Variants in DST observed in about 807,000 individuals in gnomAD.
DST encodes the protein dystonin.
DST carries 253 observed loss-of-function variants against 875.2 expected under a neutral mutation model. That is an observed-to-expected ratio of 0.29 (90% CI 0.26 to 0.32). The LOEUF (loss-of-function observed/expected upper bound fraction) is 0.32. Among genes scored for constraint, DST ranks in the 10% least tolerant of loss-of-function variants. The pLI is 1.00. For synonymous variants in DST, 3,124 were observed against 3,197.1 expected, an observed-to-expected ratio of 0.98 and a Z score of 0.77; for missense variants, 8,287 against 9,111.6, an observed-to-expected ratio of 0.91 and a Z score of 3.68.
rs767948298 is a variant in DST at position 56,489,600 on chromosome 6, C to T, written c.20767G>A (p.Ala6923Thr). The T allele has an allele frequency of 5.0e-5, 81 of 1,609,926 alleles. No homozygotes were observed. The highest frequency in any genetic ancestry group is 6.6e-5 in the Non-Finnish European group (78 of 1,178,278). Residue 6923 changes from alanine (A) to threonine (T), a missense_variant, in exon 86 of 104, where the codon GCT becomes ACT. Physicochemically the swap from Ala to Thr is moderately conservative, Grantham distance 58 (BLOSUM62 0). Transcript: ENST00000680361. ...ARKRAKQFHE[A>T]WSKLMEWLEE... ...AGCCACTCCATAAGTTTACTCCAAGCTTCATGGAACTAGAAAGAAATTCAC... is the reference window on the plus strand; with the variant it reads ...AGCCACTCCATAAGTTTACTCCAAGTTTCATGGAACTAGAAAGAAATTCAC...
chr6:56,792,998 G>GT (rs2099730875), intron 4 of DST, among the ~76,000 whole-genome samples: 1 of 143,226 alleles, frequency 7.0e-6, no homozygotes, highest in African/African-American at 2.5e-5. Context: ...AGCCCCTGAG[G>GT]TCAAGGCTGC....
chr6:56,544,250 G>C (rs1398989963), intron 61 of DST, among the ~76,000 whole-genome samples: 1 of 152,198 alleles, frequency 6.6e-6, no homozygotes, highest in Non-Finnish European at 1.5e-5. Flanking sequence ...TGTAAGCTTA[G>C]AAAACTACTT....
intron 2 of DST, among the ~76,000 whole-genome samples, chr6:56,938,116 A>G (rs201970529): frequency 3.0e-5 from 4 of 133,508 alleles, no homozygotes; most frequent in Admixed American, 3.0e-4. Context: ...CTCTATATAT[A>G]TATATATATA....
rs1352975169 is a variant in DST, at chr6:56,954,462, G to T, written c.126C>A (p.Leu42=). Residue 42 remains leucine (L), a synonymous_variant, in exon 1 of 104, where the codon CTC becomes CTA. Coordinates refer to ENST00000680361, the MANE Select transcript of DST (RefSeq NM_001374736.1). The part of the protein sequence containing the change: ...IVFFCCWHRK[L]QKGRHPMKSV... Reference sequence around the variant, plus strand: ...ATTTCATCGGATGCCTCCCTTTCTGGAGCTTGCGGTGCCAGCAGCAGAAGA... The same window carrying T: ...ATTTCATCGGATGCCTCCCTTTCTGTAGCTTGCGGTGCCAGCAGCAGAAGA... The T allele has an allele frequency of 7.3e-7, 1 of 1,367,498 alleles. No individual in the cohort carries two copies. Among genetic ancestry groups the T allele is most frequent in the East Asian group, 4.6e-5 (1 of 21,958 alleles). The allele number at this position is 1,367,498 out of a possible 1,614,324, so 84.7% of individuals were successfully genotyped here.
chr6:56,605,803 T>C lies in DST; in HGVS notation c.8825A>G (p.Asp2942Gly), dbSNP rs756391545. ...KTFGPASISH[D>G]NNNISSTSEL... ...AGAAGTTGAACTGATATTATTATTATCATGTGAAATACTTGCAGGGCCAAA... is the reference window on the plus strand; with the variant it reads ...AGAAGTTGAACTGATATTATTATTACCATGTGAAATACTTGCAGGGCCAAA... Residue 2942 changes from aspartate (D) to glycine (G), a missense_variant, in exon 40 of 104, where the codon GAT (aspartate) becomes GGT (glycine). Transcript: ENST00000680361. 1 of 1,612,426 alleles carries C rather than the reference T, an allele frequency of 6.2e-7. No individual in the cohort carries two copies. Among genetic ancestry groups the C allele is most frequent in the Non-Finnish European group, 8.5e-7 (1 of 1,179,198 alleles).
chr6:56,528,111 C>T (rs2096833251), intron 67 of DST, among the ~76,000 whole-genome samples: 3 of 152,194 alleles, frequency 2.0e-5, no homozygotes, highest in Admixed American at 6.5e-5. Context: ...GATACTTAGC[C>T]TCTCTGCTCT....
chr6:56,475,652 G>A (rs1198536023), intron 92 of DST, among the ~76,000 whole-genome samples: 1 of 152,170 alleles, frequency 6.6e-6, no homozygotes, highest in African/African-American at 2.4e-5. Flanking sequence ...AGTGATGACA[G>A]TCATCTTCAC....
chr6:56,601,179 T>C (rs1444550889), intron 44 of DST, among the ~76,000 whole-genome samples: 1 of 152,010 alleles, frequency 6.6e-6, no homozygotes, highest in Non-Finnish European at 1.5e-5. Flanking sequence ...TGCATTCAAA[T>C]TTCCTAGTCT....
At chr6:56,691,017 T>G (rs2099224810) in intron 9 of DST, among the ~76,000 whole-genome samples, 1 of 152,200 alleles carries the variant, frequency 6.6e-6, no homozygotes, top group African/African-American at 2.4e-5. Flanking sequence ...TTATATACAT[T>G]GCATTACAGT....
intron 2 of DST, among the ~76,000 whole-genome samples, chr6:56,917,288 T>A (rs186485395): frequency 2.6e-5 from 4 of 152,284 alleles, no homozygotes; most frequent in Admixed American, 2.6e-4. Context: ...TGACCTAAAA[T>A]CTTCTGATAA....
chr6:56,822,154 C>T (rs753407344), intron 4 of DST, among the ~76,000 whole-genome samples: 4 of 152,220 alleles, frequency 2.6e-5, no homozygotes, highest in Non-Finnish European at 4.4e-5. Context: ...CTGACAGAGA[C>T]GGGATTTATT....
chr6:56,479,370 A>T (rs2095324105), intron 90 of DST, among the ~76,000 whole-genome samples: 1 of 152,148 alleles, frequency 6.6e-6, no homozygotes, highest in African/African-American at 2.4e-5. Flanking sequence ...GTATGAAAAT[A>T]TTTCAAAAAA....
At chr6:56,743,741 T>G (rs2099556652) in intron 4 of DST, among the ~76,000 whole-genome samples, 1 of 152,210 alleles carries the variant, frequency 6.6e-6, no homozygotes, top group Admixed American at 6.5e-5. Context: ...TTAAACAACT[T>G]GCCCAGGATC....
chr6:56,708,781 C>T (rs992552635), intron 5 of DST, among the ~76,000 whole-genome samples: 2 of 151,996 alleles, frequency 1.3e-5, no homozygotes, highest in Non-Finnish European at 2.9e-5. Context: ...CCAATCTGAT[C>T]GAGCAAGAAA....
chr6:56,777,552 T>C (rs571134656), intron 4 of DST, among the ~76,000 whole-genome samples: 1 of 152,036 alleles, frequency 6.6e-6, no homozygotes, highest in East Asian at 1.9e-4. Context: ...GAGGAAAAAG[T>C]GAGTGGTCCA....
At chr6:56,918,273 C>G (rs187497692) in intron 2 of DST, among the ~76,000 whole-genome samples, 1 of 151,940 alleles carries the variant, frequency 6.6e-6, no homozygotes, top group South Asian at 2.1e-4. Context: ...ATAACAGGCA[C>G]GTGCCACCAC....
intron 89 of DST, 126 bp from the exon 90 acceptor site, chr6:56,482,304 T>C: frequency 1.9e-6 from 2 of 1,069,808 alleles, no homozygotes; most frequent in Non-Finnish European, 2.5e-6. Context: ...TTTAATTGCT[T>C]CATTACTCCC....
At position 56,517,270 on chromosome 6, in the gene DST, A is replaced by G; in HGVS notation, c.18285T>C (p.Ile6095=). ...FTMEILRHKD[I]IDDLVKSGHK... ...GCCCAGATTTAACAAGGTCATCAATAATATCCTTGTGTCTCAAAATCTCCA... is the reference window on the plus strand; with the variant it reads ...GCCCAGATTTAACAAGGTCATCAATGATATCCTTGTGTCTCAAAATCTCCA... The change falls in exon 71 of 104, where the codon ATT becomes ATC. Residue 6095 remains isoleucine, a synonymous_variant. Coordinates refer to ENST00000680361, the MANE Select transcript of DST (RefSeq NM_001374736.1). 11 of 1,612,948 alleles carry G rather than the reference A, an allele frequency of 6.8e-6. No homozygotes were observed. Among genetic ancestry groups the G allele is most frequent in the Non-Finnish European group, 9.3e-6 (11 of 1,179,410 alleles).
chr6:56,589,822 C>T (rs1463986864), intron 49 of DST, among the ~76,000 whole-genome samples: 1 of 152,148 alleles, frequency 6.6e-6, no homozygotes, highest in Non-Finnish European at 1.5e-5. Context: ...ATGCTAATAA[C>T]AACATGCTAT....
Sources: gnomAD v4.1 joint callset for allele counts (sites outside exome capture counted in the v4.1 genomes callset) on GRCh38, gnomAD v4.1.1 for gene constraint, MANE v1.5 for transcripts, NCBI Gene and HGNC (gene_info 2026-07-23, HGNC 2026-07-21) for gene names.